PSMD9: variants seen among roughly 807,000 people sequenced by gnomAD.
PSMD9 encodes proteasome 26S subunit, non-ATPase 9, also known as 26S proteasome non-ATPase regulatory subunit 9.
A neutral mutation model predicts 25.9 loss-of-function variants in PSMD9; 26 were observed. The observed-to-expected ratio is 1.00, with a 90% confidence interval of 0.73 to 1.39. PSMD9 has a LOEUF of 1.39. Ranked by LOEUF, PSMD9 falls within the 40% of genes most tolerant of loss-of-function variation. The probability of loss-of-function intolerance (pLI) is 0.00; values close to 1 mark genes in which losing one functional copy is unlikely to be tolerated. For synonymous variants in PSMD9, 110 were observed against 114.5 expected (o/e 0.96, Z 0.25); for missense variants, 303 against 299.3 (o/e 1.01, Z -0.09).
At chr12:121,901,058 C>T (rs1244885630) in intron 3 of PSMD9, among the ~76,000 whole-genome samples, 1 of 151,056 alleles carries the variant, frequency 6.6e-6, no homozygotes, top group Non-Finnish European at 1.5e-5. Context: ...CTCCTGGGCT[C>T]AAGTGATTCT....
intron 3 of PSMD9, 32 bp from the exon 4 acceptor site, chr12:121,902,974 G>A: frequency 6.4e-7 from 1 of 1,567,916 alleles, no homozygotes; most frequent in Non-Finnish European, 8.8e-7. Context: ...TGAACCTCTA[G>A]CCTGATTTTC....
At chr12:121,908,619 G>A (rs377560627) in intron 4 of PSMD9, among the ~76,000 whole-genome samples, 1 of 152,164 alleles carries the variant, frequency 6.6e-6, no homozygotes, top group African/African-American at 2.4e-5. Flanking sequence ...GCACTTTGGT[G>A]GGGGAGCCAG....
chr12:121,892,383 G>A (rs1047511604), intron 1 of PSMD9, among the ~76,000 whole-genome samples: 1 of 152,026 alleles, frequency 6.6e-6, no homozygotes, highest in African/African-American at 2.4e-5. Context: ...GGGCAACACA[G>A]TAAGAGCCTA....
chr12:121,891,901 CAAAAAAAAA>C (rs33982940), intron 1 of PSMD9, among the ~76,000 whole-genome samples: 4 of 74,316 alleles, frequency 5.4e-5, no homozygotes, highest in African/African-American at 1.7e-4. Context: ...GATTCCATCT[CAAAAAAAAA>C]AAAAAAAAAA....
rs185748987 is a variant in PSMD9, at chr12:121,890,853, A to G, written c.138+1859A>G. On this transcript the variant is annotated intron_variant, in intron 1 of 5. Transcript: ENST00000541212. ...TCTCTTCTCTTAAATATAAGGTCAG[A>G]TGCTTTGCATGTTGATACGGCATGT... is the stretch of plus-strand genomic sequence containing the variant. 1.4e-3 allele frequency among the ~76,000 whole-genome samples: 216 copies of G among 152,156 alleles called. 2 individuals carry two copies. Among genetic ancestry groups the G allele is most frequent in the African/African-American group, 5.2e-3 (215 of 41,536 alleles).
intron 4 of PSMD9, among the ~76,000 whole-genome samples, chr12:121,907,412 G>A (rs1478664772): frequency 3.4e-5 from 5 of 148,404 alleles, no homozygotes; most frequent in Non-Finnish European, 6.0e-5. Flanking sequence ...TTGAGATGGA[G>A]TCTTGCTCTG....
Position 121,889,111 on chromosome 12 carries a change from C to T in PSMD9, c.138+117C>T, listed in dbSNP as rs1878982545. ...CCGCAACGGATCTCCCTGGGAGGCC[C>T]AAGGCGCCGCAAGTGCGGCCTCTGT... On this transcript the variant is annotated intron_variant, in intron 1 of 5. Coordinates refer to ENST00000541212, the MANE Select transcript of PSMD9 (RefSeq NM_002813.7). 4 of 1,293,940 alleles carry T rather than the reference C, an allele frequency of 3.1e-6. 1 individual carries two copies. In the South Asian group the frequency reaches 5.9e-5, roughly 19 times the overall value. The allele number at this position is 1,293,940 out of a possible 1,614,324, so 80.2% of individuals were successfully genotyped here. A position where few individuals can be genotyped will look rare whatever the true frequency, so the allele number is the denominator to read the frequency against.
chr12:121,889,319 A>G, intron 1 of PSMD9, among the ~76,000 whole-genome samples: 1 of 152,092 alleles, frequency 6.6e-6, no homozygotes, highest in African/African-American at 2.4e-5. Context: ...CATTTTAGGG[A>G]GGGGGAAACA....
At chr12:121,912,375 C>T (rs1879751051) in intron 4 of PSMD9, among the ~76,000 whole-genome samples, 1 of 152,134 alleles carries the variant, frequency 6.6e-6, no homozygotes, top group African/African-American at 2.4e-5. Flanking sequence ...TTTTCCACTG[C>T]CGTGCACCGT....
At chr12:121,915,441 A>C (rs1759865128) in intron 4 of PSMD9, 1 of 164,232 alleles carries the variant, frequency 6.1e-6, no homozygotes, top group African/African-American at 2.4e-5. Context: ...ATACCTATTG[A>C]TGGACATTTC....
Position 121,888,826 on chromosome 12 carries a change from G to A in PSMD9, c.-31G>A, listed in dbSNP as rs1418293751. On this transcript the variant is annotated 5_prime_UTR_variant, in exon 1 of 6. Transcript: ENST00000541212. ...GGGCGTCGTCCCTAGCCCGGGAGCCGGGTCTCTGGAGTCGCGGCCCGGGGT... is the reference window on the plus strand; with the variant it reads ...GGGCGTCGTCCCTAGCCCGGGAGCCAGGTCTCTGGAGTCGCGGCCCGGGGT... 6 of 1,590,348 alleles carry A rather than the reference G, an allele frequency of 3.8e-6. No homozygotes were observed. The highest frequency in any genetic ancestry group is 5.1e-6 in the Non-Finnish European group (6 of 1,169,450).
intron 2 of PSMD9, 123 bp from the exon 3 acceptor site, chr12:121,899,511 T>C: frequency 1.1e-6 from 1 of 921,414 alleles, no homozygotes; most frequent in Non-Finnish European, 1.6e-6. Context: ...CAGAGACTCC[T>C]TCTCACCTCT....
In PSMD9 at chr12:121,888,846, C is replaced by T. The variant is rs752712261; in HGVS notation, c.-11C>T. The T allele has an allele frequency of 2.8e-5, 45 of 1,599,354 alleles. No individual in the cohort carries two copies. In the African/African-American group the frequency reaches 4.5e-4, roughly 16 times the overall value. On this transcript the variant is annotated 5_prime_UTR_variant, in exon 1 of 6. Transcript: ENST00000541212. The stretch of plus-strand genomic sequence containing the variant: ...GAGCCGGGTCTCTGGAGTCGCGGCC[C>T]GGGGTTCACGATGTCCGACGAGGAA...
At chr12:121,913,300 T>C (rs997907253) in intron 4 of PSMD9, among the ~76,000 whole-genome samples, 6 of 151,342 alleles carry the variant, frequency 4.0e-5, no homozygotes, top group Non-Finnish European at 7.4e-5. Context: ...AGGATGGTCT[T>C]GATCTCCTGA....
At chr12:121,913,595 G>A (rs1418418333) in intron 4 of PSMD9, among the ~76,000 whole-genome samples, 1 of 149,276 alleles carries the variant, frequency 6.7e-6, no homozygotes, top group Non-Finnish European at 1.5e-5. Context: ...GGGCTCAAGT[G>A]ATCCTCCCAC....
intron 4 of PSMD9, among the ~76,000 whole-genome samples, chr12:121,904,639 T>TTTTTTATTATTATTATTATTATTA (rs371794929): frequency 1.2e-4 from 16 of 138,938 alleles, no homozygotes; most frequent in African/African-American, 3.9e-4. Flanking sequence ...CCATCTGAAA[T>TTTTTTATTATTATTATTATTATTA]TTATTATTAT....
intron 3 of PSMD9, among the ~76,000 whole-genome samples, chr12:121,900,604 A>T (rs1424368526): frequency 6.9e-6 from 1 of 144,966 alleles, no homozygotes; most frequent in Admixed American, 7.1e-5. Flanking sequence ...AAAAAAAAAA[A>T]TTTACCCATT....
At chr12:121,915,633 G>T (rs947269212) in intron 4 of PSMD9, 2 of 524,672 alleles carry the variant, frequency 3.8e-6, no homozygotes, top group Non-Finnish European at 6.7e-6. Context: ...AAGATCGTTG[G>T]TGGTGGGACA....
chr12:121,916,419 C>A lies in PSMD9; in HGVS notation c.*108C>A. The A allele has an allele frequency of 7.2e-7, 1 of 1,383,620 alleles. No homozygotes were observed. The highest frequency in any genetic ancestry group is 1.0e-6 in the Non-Finnish European group (1 of 973,196). The allele number at this position is 1,383,620 out of a possible 1,614,324, so 85.7% of individuals were successfully genotyped here. On this transcript the variant is annotated 3_prime_UTR_variant, in exon 6 of 6. Coordinates refer to ENST00000541212, the MANE Select transcript of PSMD9 (RefSeq NM_002813.7). ...CTGAAGCATAAGGATCTGGAAGAGG[C>A]TTGTAACCTGAACTTCTGTGTGGTG...
Sources: gnomAD v4.1 joint callset for allele counts (sites outside exome capture counted in the v4.1 genomes callset) on GRCh38, gnomAD v4.1.1 for gene constraint, MANE v1.5 for transcripts, NCBI Gene and HGNC (gene_info 2026-07-23, HGNC 2026-07-21) for gene names.